Variants in TNKS observed in about 807,000 individuals in gnomAD.
TNKS encodes the protein tankyrase, also known as poly [ADP-ribose] polymerase tankyrase-1.
A neutral mutation model predicts 135.8 loss-of-function variants in TNKS; 72 were observed. The observed-to-expected ratio is 0.53, with a 90% CI of 0.44 to 0.64. The LOEUF is 0.64. TNKS is among the 30% of genes least tolerant of loss of function. The pLI, the probability that TNKS is intolerant of heterozygous loss-of-function variation, is 0.00. For missense variants in TNKS, 1,769 were observed against 1,674.0 expected (o/e 1.06, Z -0.99); for synonymous variants, 849 against 649.3 (o/e 1.31, Z -4.68).
chr8:9,659,176 G>C (rs1209985193), intron 3 of TNKS, among the ~76,000 whole-genome samples: 2 of 152,228 alleles, frequency 1.3e-5, no homozygotes, highest in Admixed American at 6.5e-5. Flanking sequence ...GACAGATCAA[G>C]AAGACAGAAA....
intron 2 of TNKS, among the ~76,000 whole-genome samples, chr8:9,593,224 C>G (rs983131099): frequency 6.6e-6 from 1 of 152,154 alleles, no homozygotes; most frequent in Non-Finnish European, 1.5e-5. Flanking sequence ...TCTCAAAGGA[C>G]TTAGCCAAGC....
intron 11 of TNKS, among the ~76,000 whole-genome samples, chr8:9,718,502 A>C (rs1408124847): frequency 6.6e-6 from 1 of 152,200 alleles, no homozygotes; most frequent in Non-Finnish European, 1.5e-5. Context: ...GCCGGTTTCC[A>C]GAACTGTTTT....
intron 5 of TNKS, among the ~76,000 whole-genome samples, chr8:9,681,704 A>T (rs920129165): frequency 1.3e-5 from 2 of 152,142 alleles, no homozygotes; most frequent in African/African-American, 2.4e-5. Context: ...ATCAGGATGG[A>T]TGGTACCCCT....
intron 5 of TNKS, among the ~76,000 whole-genome samples, chr8:9,682,762 A>G (rs1802835124): frequency 6.6e-6 from 1 of 152,008 alleles, no homozygotes; most frequent in Admixed American, 6.6e-5. Flanking sequence ...AGAAAATTAA[A>G]TCAGAAGTAT....
chr8:9,557,316 G>A (rs2129048569), intron 1 of TNKS: 1 of 151,934 alleles, frequency 6.6e-6, no homozygotes. Flanking sequence ...ATGATGTTGT[G>A]CGAGCATTTG....
intron 1 of TNKS, among the ~76,000 whole-genome samples, chr8:9,559,226 C>T (rs998234841): frequency 3.9e-5 from 6 of 151,904 alleles, no homozygotes; most frequent in East Asian, 1.9e-4. Context: ...TGATAGGAAA[C>T]GTATATTATA....
intron 1 of TNKS, among the ~76,000 whole-genome samples, chr8:9,567,100 A>G (rs990006535): frequency 6.6e-6 from 1 of 152,182 alleles, no homozygotes; most frequent in African/African-American, 2.4e-5. Flanking sequence ...TGCTTTCTCA[A>G]GTTGGTTTTC....
At chr8:9,758,336 T>C (rs1341728001) in intron 20 of TNKS, among the ~76,000 whole-genome samples, 1 of 152,082 alleles carries the variant, frequency 6.6e-6, no homozygotes, top group African/African-American at 2.4e-5. Context: ...TTTTTTTAGA[T>C]TCCACAGGTT....
At chr8:9,608,127 G>A (rs1799306035) in intron 2 of TNKS, among the ~76,000 whole-genome samples, 1 of 152,000 alleles carries the variant, frequency 6.6e-6, no homozygotes, top group South Asian at 2.1e-4. Context: ...TTTTTGAAAA[G>A]TCCAGGTCTC....
chr8:9,708,601 GGAATTT>G lies in TNKS; in HGVS notation c.1578+111_1578+116del, dbSNP rs562075846. The G allele has an allele frequency of 8.0e-5, 93 of 1,160,772 alleles. 1 individual carries two copies. In the East Asian group the frequency reaches 2.5e-3, roughly 31 times the overall value. The allele number at this position is 1,160,772 out of a possible 1,614,324, so 71.9% of individuals were successfully genotyped here. ...AGTAACTTTAGTATCTGAAATGCCA[GGAATTT>G]GCATGTTAATTTTGGTTGCATTGAT... On this transcript the variant is annotated intron_variant, in intron 9 of 26. Coordinates refer to ENST00000310430, the MANE Select transcript of TNKS (RefSeq NM_003747.3).
At chr8:9,720,770 C>G (rs1025986536) in intron 12 of TNKS, among the ~76,000 whole-genome samples, 1 of 152,010 alleles carries the variant, frequency 6.6e-6, no homozygotes, top group Non-Finnish European at 1.5e-5. Flanking sequence ...AATTGAAAAC[C>G]TGACTCATGA....
In TNKS at chr8:9,556,302, C is replaced by CGGCAGT. The variant is rs775065882; in HGVS notation, c.370_375dup (p.Gly124_Ser125dup). ...CCGCTGGGGTCGCTCCCAACCCAGC[C>CGGCAGT]GGCAGTGGCAGTAACAATTCACCGT... On this transcript the variant is annotated inframe_insertion, in exon 1 of 27. Transcript: ENST00000310430. 19 of 1,614,264 alleles carry CGGCAGT rather than the reference C, an allele frequency of 1.2e-5. 1 individual carries two copies. The highest frequency in any genetic ancestry group is 1.6e-4 in the Middle Eastern group (1 of 6,062).
chr8:9,710,474 A>G (rs577282769), intron 11 of TNKS: 12 of 570,536 alleles, frequency 2.1e-5, no homozygotes, highest in African/African-American at 2.0e-4. Context: ...CATTTGAAAT[A>G]GATTTCATCT....
At chr8:9,568,012 C>A (rs2129050792) in intron 1 of TNKS, among the ~76,000 whole-genome samples, 1 of 152,274 alleles carries the variant, frequency 6.6e-6, no homozygotes, top group South Asian at 2.1e-4. Flanking sequence ...CTTAATATTA[C>A]TAACACGAAA....
At chr8:9,623,175 C>T (rs765808037) in intron 3 of TNKS, among the ~76,000 whole-genome samples, 3 of 152,160 alleles carry the variant, frequency 2.0e-5, no homozygotes, top group Non-Finnish European at 2.9e-5. Flanking sequence ...ATATCATAAA[C>T]GATCTTCTTC....
chr8:9,615,593 C>A lies in TNKS; in HGVS notation c.910C>A (p.His304Asn). ...CTTTCCCTGCACAGTGCTGCTGCAGCACGGAGCTGACCCAAACATTCGGAA... is the reference window on the plus strand; with the variant it reads ...CTTTCCCTGCACAGTGCTGCTGCAGAACGGAGCTGACCCAAACATTCGGAA... ...KIDVCIVLLQ[H>N]GADPNIRNTD... The change falls in exon 3 of 27, where the codon CAC becomes AAC. Residue 304 changes from histidine to asparagine, a missense_variant. By Grantham distance (68) the His-to-Asn change is moderately conservative. This residue lies in a region of TNKS where 523 missense variants were observed against 541.0 expected (regional missense o/e 0.97). Transcript: ENST00000310430. 1 of 1,613,408 alleles carries A rather than the reference C, an allele frequency of 6.2e-7. No homozygotes were observed. Among genetic ancestry groups the A allele is most frequent in the Non-Finnish European group, 8.5e-7 (1 of 1,179,700 alleles).
chr8:9,707,001 C>T lies in TNKS; in HGVS notation c.1456+4C>T, dbSNP rs35809238. ...GAGCTTAGGGAGAGATTGACTTGTA[C>T]GTATTTATATCCCGAAATCATTATC... On this transcript the variant is annotated splice_donor_region_variant and intron_variant, in intron 8 of 26. Transcript: ENST00000310430. The T allele has an allele frequency of 1.1e-3, 1,745 of 1,564,074 alleles. 26 individuals are homozygous for T. In the African/African-American group the frequency reaches 0.021, roughly 19 times the overall value.
intron 3 of TNKS, among the ~76,000 whole-genome samples, chr8:9,677,928 T>A (rs770657861): frequency 6.6e-5 from 10 of 152,180 alleles, no homozygotes; most frequent in Admixed American, 1.3e-4. Flanking sequence ...GAGGATTACT[T>A]GTCCTTCCTT....
chr8:9,729,843 G>A (rs1400106285), intron 13 of TNKS, among the ~76,000 whole-genome samples: 4 of 123,000 alleles, frequency 3.3e-5, no homozygotes, highest in Non-Finnish European at 6.3e-5. Context: ...GCGTGATTTC[G>A]GCTCACTGCA....
Sources: allele counts gnomAD v4.1 joint callset (sites outside exome capture counted in the v4.1 genomes callset), GRCh38; gene constraint gnomAD v4.1.1; regional missense constraint gnomAD v4.1.1; transcripts MANE v1.5; gene names NCBI Gene and HGNC (gene_info 2026-07-23, HGNC 2026-07-21).